The following NECTIN3 variants were observed in gnomAD, a reference collection of about 807,000 sequenced individuals.
NECTIN3 encodes nectin-3.
Under a neutral mutation model 49.4 loss-of-function variants are expected in NECTIN3, and 8 were observed. The ratio of observed to expected loss-of-function variants is 0.16; its 90% CI spans 0.10 to 0.29. NECTIN3 has a LOEUF of 0.29. Ranked by LOEUF, NECTIN3 falls within the 10% of genes least tolerant of loss-of-function variation. The pLI is 1.00. For synonymous variants in NECTIN3, 277 were observed against 241.1 expected (o/e 1.15, Z -1.38); for missense variants, 581 against 654.6 (o/e 0.89, Z 1.23).
intron 7 of NECTIN3, among the ~76,000 whole-genome samples, chr3:111,163,842 A>C (rs1443142165): frequency 2.0e-5 from 3 of 152,114 alleles, no homozygotes; most frequent in Non-Finnish European, 4.4e-5. Context: ...TAATATTTGG[A>C]GAAAGAGGAT....
chr3:111,142,099 A>G (rs913648349), downstream of NECTIN3, among the ~76,000 whole-genome samples: 1 of 151,982 alleles, frequency 6.6e-6, no homozygotes, highest in African/African-American at 2.4e-5. Flanking sequence ...TCATCAAAAT[A>G]CTTGAATGCA....
chr3:111,144,217 T>C (rs2034818944), intron 5 of NECTIN3, among the ~76,000 whole-genome samples: 1 of 151,944 alleles, frequency 6.6e-6, no homozygotes, highest in African/African-American at 2.4e-5. Context: ...TGTGGTGCAG[T>C]GTGGGAAAGA....
intron 7 of NECTIN3, among the ~76,000 whole-genome samples, chr3:111,170,755 A>C (rs1321086509): frequency 6.6e-6 from 1 of 152,132 alleles, no homozygotes; most frequent in Non-Finnish European, 1.5e-5. Context: ...GCACCTGATG[A>C]GCTATCTGGG....
In NECTIN3 at chr3:111,137,168, A is replaced by G. The variant is rs1244706353; in HGVS notation, c.*2953A>G. On this transcript the variant is annotated 3_prime_UTR_variant, in exon 6 of 6. Transcript: ENST00000485303. ...AACATCTGATTTGAGTTTTTGATAAATACTGCTAAAACACAGTATATGAAC... is the reference window on the plus strand; with the variant it reads ...AACATCTGATTTGAGTTTTTGATAAGTACTGCTAAAACACAGTATATGAAC... The G allele has an allele frequency of 1.1e-6, 1 of 948,320 alleles. No individual in the cohort carries two copies. Among genetic ancestry groups the G allele is most frequent in the African/African-American group, 1.8e-5 (1 of 56,322 alleles). 58.7% of individuals were successfully genotyped at this position (948,320 alleles called of 1,614,324 possible).
At chr3:111,104,313 CTTTTTTT>C (rs935543116) in intron 1 of NECTIN3, among the ~76,000 whole-genome samples, 1 of 89,282 alleles carries the variant, frequency 1.1e-5, no homozygotes, top group African/African-American at 4.4e-5. Context: ...CTGTTCAGAT[CTTTTTTT>C]TTTTTTTTTT....
At chr3:111,121,509 G>GA (rs1449819080) in intron 3 of NECTIN3, among the ~76,000 whole-genome samples, 2 of 152,136 alleles carry the variant, frequency 1.3e-5, no homozygotes, top group African/African-American at 4.8e-5. Flanking sequence ...TGGAATGGAT[G>GA]AAAATTCATG....
intron 1 of NECTIN3, among the ~76,000 whole-genome samples, chr3:111,080,902 A>G (rs1421817453): frequency 1.3e-5 from 2 of 152,168 alleles, no homozygotes; most frequent in East Asian, 3.8e-4. Context: ...AAATATTAGT[A>G]AGGGCTGGAA....
intron 1 of NECTIN3, chr3:111,072,634 C>A: frequency 6.8e-7 from 1 of 1,468,952 alleles, no homozygotes; most frequent in South Asian, 1.2e-5. Context: ...CTTCTCATGG[C>A]CTTCCACCCT....
At chr3:111,150,005 C>T (rs187596984) in intron 7 of NECTIN3, among the ~76,000 whole-genome samples, 30 of 151,970 alleles carry the variant, frequency 2.0e-4, no homozygotes, top group Admixed American at 1.3e-3. Context: ...ATCTAGGGAA[C>T]TTTTTTAGGA....
At chr3:111,142,522 T>C (rs1174810983), downstream of NECTIN3, among the ~76,000 whole-genome samples, 1 of 151,866 alleles carries the variant, frequency 6.6e-6, no homozygotes, top group Non-Finnish European at 1.5e-5. Context: ...CAAAATTGGA[T>C]AGATTGTAAT....
chr3:111,139,184 A>G (rs1576155732), downstream of NECTIN3, among the ~76,000 whole-genome samples: 2 of 151,844 alleles, frequency 1.3e-5, no homozygotes, highest in South Asian at 4.1e-4. Context: ...AAGTAACCAC[A>G]GTATCATTAT....
chr3:111,174,349 T>C (rs2035486238), intron 7 of NECTIN3, among the ~76,000 whole-genome samples: 1 of 152,244 alleles, frequency 6.6e-6, no homozygotes, highest in Non-Finnish European at 1.5e-5. Context: ...TCTCACAGTG[T>C]TATTTATAAT....
intron 7 of NECTIN3, chr3:111,147,628 A>G: frequency 2.8e-6 from 2 of 722,680 alleles, no homozygotes; most frequent in Non-Finnish European, 2.2e-6. Context: ...TTGTTTAGTC[A>G]TTATGCATTA....
chr3:111,118,629 C>T (rs1208747791), intron 2 of NECTIN3, 27 bp from the exon 3 acceptor site: 4 of 1,490,590 alleles, frequency 2.7e-6, no homozygotes, highest in South Asian at 2.7e-5. Flanking sequence ...TTGAATGTAA[C>T]TAATTATTAA....
chr3:111,156,553 A>G (rs1036634373), intron 7 of NECTIN3, among the ~76,000 whole-genome samples: 1 of 151,498 alleles, frequency 6.6e-6, no homozygotes, highest in Admixed American at 6.6e-5. Context: ...AAAACATTCA[A>G]AAGGATTTGT....
In NECTIN3 at chr3:111,091,768, A is replaced by G. The variant is rs553810623; in HGVS notation, c.160+19591A>G. On this transcript the variant is annotated intron_variant, in intron 1 of 5. Coordinates refer to ENST00000485303, the MANE Select transcript of NECTIN3 (RefSeq NM_015480.3). ...AAATAATGCTGCTGTAAATGTTCAT[A>G]TATAGGTTTTTGTGTGGACATATAT... is the stretch of plus-strand genomic sequence containing the variant. Among the ~76,000 whole-genome samples, 7 of 152,308 alleles carry G rather than the reference A, an allele frequency of 4.6e-5. No homozygotes were observed. In the East Asian group the frequency reaches 5.8e-4, roughly 13 times the overall value.
chr3:111,099,741 C>G (rs1423570113), intron 1 of NECTIN3, among the ~76,000 whole-genome samples: 2 of 152,124 alleles, frequency 1.3e-5, no homozygotes, highest in African/African-American at 4.8e-5. Context: ...CTGTGCTTAC[C>G]TCTTAGCTGC....
At chr3:111,101,465 G>A (rs896640627) in intron 1 of NECTIN3, among the ~76,000 whole-genome samples, 3 of 152,018 alleles carry the variant, frequency 2.0e-5, no homozygotes, top group Non-Finnish European at 4.4e-5. Context: ...CACTATATTG[G>A]TTACGTGTAA....
intron 7 of NECTIN3, among the ~76,000 whole-genome samples, chr3:111,170,262 T>A (rs910583575): frequency 6.6e-6 from 1 of 152,200 alleles, no homozygotes. Flanking sequence ...AAGTTAAAGC[T>A]TTTATTGAAT....
Sources: allele counts gnomAD v4.1 joint callset (sites outside exome capture counted in the v4.1 genomes callset), GRCh38; gene constraint gnomAD v4.1.1; transcripts MANE v1.5; gene names NCBI Gene and HGNC (gene_info 2026-07-23, HGNC 2026-07-21).